Variants in HS3ST4 observed in about 807,000 individuals in gnomAD.
HS3ST4 encodes heparan sulfate-glucosamine 3-sulfotransferase 4, also known as heparan sulfate glucosamine 3-O-sulfotransferase 4.
A neutral mutation model predicts 29.2 loss-of-function variants in HS3ST4; 17 were observed. That is an observed-to-expected ratio of 0.58 (90% confidence interval 0.40 to 0.87). The LOEUF is 0.87. HS3ST4 is among the 40% of genes least tolerant of loss of function. The pLI, the probability that HS3ST4 is intolerant of heterozygous loss-of-function variation, is 0.00. For missense variants in HS3ST4, 627 were observed against 634.5 expected (o/e 0.99, Z 0.13); for synonymous variants, 314 against 285.7 (o/e 1.10, Z -1.00).
chr16:25,833,088 C>G (rs1967321287), intron 1 of HS3ST4, among the ~76,000 whole-genome samples: 1 of 152,140 alleles, frequency 6.6e-6, no homozygotes, highest in Non-Finnish European at 1.5e-5. Flanking sequence ...ATTTGGTCCA[C>G]TAAACCTAGC....
intron 1 of HS3ST4, among the ~76,000 whole-genome samples, chr16:26,034,191 C>T (rs1465930401): frequency 6.6e-6 from 1 of 152,116 alleles, no homozygotes; most frequent in East Asian, 1.9e-4. Flanking sequence ...AAGGGAGCGA[C>T]TGGATGAGGG....
At chr16:26,124,010 T>C (rs1899310344) in intron 1 of HS3ST4, among the ~76,000 whole-genome samples, 1 of 152,114 alleles carries the variant, frequency 6.6e-6, no homozygotes, top group Non-Finnish European at 1.5e-5. Context: ...AACTTGCGGC[T>C]CCCGGGTTCA....
At chr16:25,847,207 G>T (rs1302590047) in intron 1 of HS3ST4, among the ~76,000 whole-genome samples, 1 of 152,058 alleles carries the variant, frequency 6.6e-6, no homozygotes, top group African/African-American at 2.4e-5. Context: ...TTTAGTAAGT[G>T]TGTGTAGTTT....
chr16:26,073,355 ATCTTT>A (rs72461132), intron 1 of HS3ST4, among the ~76,000 whole-genome samples: 239 of 80,204 alleles, frequency 3.0e-3, no homozygotes, highest in Middle Eastern at 0.026. Context: ...AAGAGTTCAG[ATCTTT>A]TCTTTTCTTT....
intron 1 of HS3ST4, among the ~76,000 whole-genome samples, chr16:25,979,344 C>T (rs1968979074): frequency 6.6e-6 from 1 of 152,190 alleles, no homozygotes; most frequent in Admixed American, 6.5e-5. Flanking sequence ...CGGGCCACAC[C>T]ACAGGAGGTG....
rs529732894 is a variant in HS3ST4 at position 25,813,729 on chromosome 16, G to T, written c.734+120578G>T. Among the ~76,000 whole-genome samples, 5 of 152,262 alleles carry T rather than the reference G, an allele frequency of 3.3e-5. No homozygotes were observed. The South Asian group carries it at 1.0e-3, about 32-fold the overall frequency. On this transcript the variant is annotated intron_variant, in intron 1 of 1. Coordinates refer to ENST00000331351, the MANE Select transcript of HS3ST4 (RefSeq NM_006040.3). ...CAATGACCCAGAAATTCCACTCCTA[G>T]ATATTTACCCAAGAAAAATGTAATC...
intron 1 of HS3ST4, among the ~76,000 whole-genome samples, chr16:25,798,122 C>T (rs1439791308): frequency 2.6e-5 from 4 of 152,156 alleles, no homozygotes; most frequent in African/African-American, 9.7e-5. Flanking sequence ...GAGTAAAAAA[C>T]TCCCTCACTT....
chr16:25,714,482 C>G (rs1167485777), intron 1 of HS3ST4, among the ~76,000 whole-genome samples: 1 of 152,186 alleles, frequency 6.6e-6, no homozygotes, highest in Non-Finnish European at 1.5e-5. Context: ...TTAATCCTCA[C>G]AAAGATCCTA....
At chr16:26,126,853 G>A (rs1242555422) in intron 1 of HS3ST4, among the ~76,000 whole-genome samples, 1 of 152,188 alleles carries the variant, frequency 6.6e-6, no homozygotes, top group South Asian at 2.1e-4. Flanking sequence ...CCCTAGGTAA[G>A]ACCTAGATTT....
chr16:26,111,391 C>CT lies in HS3ST4; in HGVS notation c.735-24208dup, dbSNP rs34710649. On this transcript the variant is annotated intron_variant, in intron 1 of 1. Transcript: ENST00000331351. ...CCACTGTTCCTGGCCAGAAGGAGGT[C>CT]TTTTTTTTTTTTTCATTTTCATTTT... is the stretch of plus-strand genomic sequence containing the variant. 6.9e-3 allele frequency among the ~76,000 whole-genome samples: 1,015 copies of CT among 147,178 alleles called. 43 individuals carry two copies. Among genetic ancestry groups the CT allele is most frequent in the Admixed American group, 0.062 (919 of 14,882 alleles).
intron 1 of HS3ST4, among the ~76,000 whole-genome samples, chr16:25,865,906 TATGG>T (rs1967689531): frequency 6.6e-6 from 1 of 152,184 alleles, no homozygotes; most frequent in African/African-American, 2.4e-5. Flanking sequence ...TCAACATTTC[TATGG>T]GCAAATTTTT....
chr16:25,837,969 C>CAG (rs1967377091), intron 1 of HS3ST4, among the ~76,000 whole-genome samples: 1 of 152,008 alleles, frequency 6.6e-6, no homozygotes, highest in Middle Eastern at 3.2e-3. Flanking sequence ...GCAGTGTCTA[C>CAG]TGTTGCCATC....
chr16:26,058,363 C>T (rs1457275242), intron 1 of HS3ST4, among the ~76,000 whole-genome samples: 2 of 152,156 alleles, frequency 1.3e-5, no homozygotes, highest in Non-Finnish European at 2.9e-5. Flanking sequence ...TTTTAGATTG[C>T]ATTTCTTCCT....
intron 1 of HS3ST4, among the ~76,000 whole-genome samples, chr16:25,904,915 T>C (rs757335556): frequency 3.3e-5 from 5 of 152,210 alleles, no homozygotes; most frequent in Non-Finnish European, 7.3e-5. Context: ...TTAGCTCTTA[T>C]TATAAATTTC....
chr16:25,788,551 T>TG lies in HS3ST4; in HGVS notation c.734+95400_734+95401insG, dbSNP rs1256012453. Among the ~76,000 whole-genome samples the TG allele has an allele frequency of 2.5e-4, 35 of 141,770 alleles. 1 individual carries two copies. Among genetic ancestry groups the TG allele is most frequent in the Non-Finnish European group, 4.9e-4 (32 of 64,936 alleles). The allele number at this position is 141,770 out of a possible 152,430, so 93.0% of individuals were successfully genotyped here. ...TTTTTTCTTTTCTTCTTTCTTTTTT[T>TG]TTTTTTTTTGACAGGGTCTTGGTCT... is the stretch of plus-strand genomic sequence containing the variant. On this transcript the variant is annotated intron_variant, in intron 1 of 1. Transcript: ENST00000331351.
Position 25,692,894 on chromosome 16 carries a change from G to C in HS3ST4, c.477G>C (p.Arg159Ser). 6.4e-7 allele frequency: 1 copy of C among 1,574,580 alleles called. No individual in the cohort carries two copies. The highest frequency in any genetic ancestry group is 1.7e-4 in the Middle Eastern group (1 of 5,758). The change falls in exon 1 of 2, where the codon AGG (arginine) becomes AGC (serine). Residue 159 changes from arginine (R) to serine (S), a missense_variant. Arg to Ser is a moderately radical substitution (Grantham distance 110, BLOSUM62 -1). Coordinates refer to ENST00000331351, the MANE Select transcript of HS3ST4 (RefSeq NM_006040.3). ...CGGCTCAGAGCGCGCTGCCGGAGAG[G>C]GAAGCGCAGGAGTCCAGCACCACCG... is the stretch of plus-strand genomic sequence containing the variant. ...MITAQSALPE[R>S]EAQESSTTDE... is the part of the protein sequence containing the mutation.
At chr16:25,798,398 A>G (rs1966901615) in intron 1 of HS3ST4, among the ~76,000 whole-genome samples, 1 of 152,226 alleles carries the variant, frequency 6.6e-6, no homozygotes, top group Non-Finnish European at 1.5e-5. Flanking sequence ...TACAAAACTT[A>G]TTTATTCTTG....
In HS3ST4 at chr16:25,746,064, C is replaced by T. The variant is rs1328079158; in HGVS notation, c.734+52913C>T. On this transcript the variant is annotated intron_variant, in intron 1 of 1. Coordinates refer to ENST00000331351, the MANE Select transcript of HS3ST4 (RefSeq NM_006040.3). ...CAGTTCTCCCATTGTGCATCAAGTG[C>T]TTTGCCCATTGTTCCATGGATTTAC... 2.6e-5 allele frequency among the ~76,000 whole-genome samples: 4 copies of T among 152,200 alleles called. No individual in the cohort carries two copies. The East Asian group carries it at 7.7e-4, about 29-fold the overall frequency.
At chr16:25,814,345 T>C (rs1348354204) in intron 1 of HS3ST4, among the ~76,000 whole-genome samples, 2 of 152,052 alleles carry the variant, frequency 1.3e-5, no homozygotes, top group Admixed American at 1.3e-4. Context: ...TGTTTTGTTT[T>C]TTTTTGGCGG....
Sources: gnomAD v4.1 joint callset for allele counts (sites outside exome capture counted in the v4.1 genomes callset) on GRCh38, gnomAD v4.1.1 for gene constraint, MANE v1.5 for transcripts, NCBI Gene and HGNC (gene_info 2026-07-23, HGNC 2026-07-21) for gene names.